GEMIN5: variants seen among roughly 807,000 people sequenced by gnomAD.
GEMIN5 encodes the protein gem nuclear organelle associated protein 5.
GEMIN5 carries 124 observed loss-of-function variants against 176.9 expected under a neutral mutation model. The observed-to-expected ratio is 0.70, with a 90% CI of 0.61 to 0.81. GEMIN5 has a LOEUF of 0.81. Ranked by LOEUF, GEMIN5 falls within the 40% of genes least tolerant of loss-of-function variation. The pLI, the probability that GEMIN5 is intolerant of heterozygous loss-of-function variation, is 0.00. For missense variants in GEMIN5, 1,843 were observed against 1,814.6 expected, an observed-to-expected ratio of 1.02 and a Z score of -0.28; for synonymous variants, 673 against 665.2, an observed-to-expected ratio of 1.01 and a Z score of -0.18.
chr5:154,936,930 C>A (rs1764281880), intron 2 of GEMIN5, 95 bp downstream of exon 2: 5 of 917,336 alleles, frequency 5.5e-6, no homozygotes, highest in Non-Finnish European at 6.7e-6. Flanking sequence ...TTACAAGTTA[C>A]TTTGCACAGA....
intron 24 of GEMIN5, among the ~76,000 whole-genome samples, chr5:154,893,660 T>A (rs1763286265): frequency 1.3e-5 from 2 of 152,234 alleles, no homozygotes; most frequent in South Asian, 4.1e-4. Flanking sequence ...AATTTTTTCT[T>A]TTCTAGAATT....
chr5:154,924,420 C>A (rs772831933), intron 9 of GEMIN5, 49 bp downstream of exon 9: 2 of 1,216,660 alleles, frequency 1.6e-6, no homozygotes, highest in Admixed American at 1.8e-5. Context: ...GGGTGGCCAA[C>A]CTTTTGGCTC....
intron 23 of GEMIN5, 71 bp from the exon 24 acceptor site, chr5:154,896,414 G>C: frequency 2.8e-6 from 4 of 1,434,008 alleles, no homozygotes; most frequent in Non-Finnish European, 1.9e-6. Flanking sequence ...GAGCTCTCCC[G>C]TGTCCTTCAA....
In GEMIN5 at chr5:154,896,143, C is replaced by T; in HGVS notation, c.3546G>A (p.Lys1182=). ...CAGATGGGTACTTGATGTTCTGCAG[C>T]TTCTGAAAGGCTTCCTGATACTGCT... ...TPEQYQEAFQ[K]LQNIKYPSAT... is the part of the protein sequence containing the mutation. The change falls in exon 24 of 28, where the codon AAG becomes AAA. Residue 1182 remains lysine (K), a synonymous_variant. Coordinates refer to ENST00000285873, the MANE Select transcript of GEMIN5 (RefSeq NM_015465.5). 6.2e-7 allele frequency: 1 copy of T among 1,613,890 alleles called. No individual in the cohort carries two copies. Among genetic ancestry groups the T allele is most frequent in the Non-Finnish European group, 8.5e-7 (1 of 1,179,918 alleles).
chr5:154,896,414 G>T, intron 23 of GEMIN5, 71 bp from the exon 24 acceptor site: 1 of 1,434,002 alleles, frequency 7.0e-7, no homozygotes, highest in Non-Finnish European at 9.3e-7. Flanking sequence ...GAGCTCTCCC[G>T]TGTCCTTCAA....
intron 11 of GEMIN5, among the ~76,000 whole-genome samples, chr5:154,918,986 A>G (rs1322336451): frequency 1.3e-5 from 2 of 152,188 alleles, no homozygotes; most frequent in African/African-American, 4.8e-5. Context: ...GGCTGCAGTG[A>G]GCTGAGATCG....
intron 24 of GEMIN5, among the ~76,000 whole-genome samples, chr5:154,892,917 T>A (rs1203847096): frequency 6.6e-6 from 1 of 151,700 alleles, no homozygotes; most frequent in East Asian, 1.9e-4. Flanking sequence ...GCCAACATGG[T>A]GAAACCCCGC....
At chr5:154,925,002 A>G (rs1347446080) in intron 8 of GEMIN5, among the ~76,000 whole-genome samples, 1 of 152,106 alleles carries the variant, frequency 6.6e-6, no homozygotes. Context: ...AAACAAAACA[A>G]AACAAAACAA....
In GEMIN5 at chr5:154,888,145, T is replaced by A; in HGVS notation, c.*65A>T. 6.9e-7 allele frequency: 1 copy of A among 1,447,854 alleles called. No individual in the cohort carries two copies. The allele number at this position is 1,447,854 out of a possible 1,614,324, so 89.7% of individuals were successfully genotyped here. ...ACCAGAGTGAATGTCTGGTGAGGCA[T>A]AACTGCAGAGGTGAAAGATGTCAAA... On this transcript the variant is annotated 3_prime_UTR_variant, in exon 28 of 28. Coordinates refer to ENST00000285873, the MANE Select transcript of GEMIN5 (RefSeq NM_015465.5).
chr5:154,911,794 T>A lies in GEMIN5; in HGVS notation c.2100A>T (p.Ser700=). 1 of 1,613,864 alleles carries A rather than the reference T, an allele frequency of 6.2e-7. No homozygotes were observed. Among genetic ancestry groups the A allele is most frequent in the Non-Finnish European group, 8.5e-7 (1 of 1,179,748 alleles). ...TGTGCACACAAAAGTCATCTGCCCC[T>A]GAATAGATGCAGTCTGGATCCAAAG... is the stretch of plus-strand genomic sequence containing the variant. ...WSPLDPDCIY[S]GADDFCVHKW... is the part of the protein sequence containing the mutation. Residue 700 remains serine, a synonymous_variant, in exon 15 of 28, where the codon TCA becomes TCT. Transcript: ENST00000285873.
At chr5:154,921,223 T>C (rs1582669267) in intron 10 of GEMIN5, 120 bp downstream of exon 10, 5 of 642,488 alleles carry the variant, frequency 7.8e-6, no homozygotes, top group Non-Finnish European at 1.4e-5. Flanking sequence ...GGGACATAAG[T>C]AGCCCACATA....
At chr5:154,893,255 T>TA (rs70981957) in intron 24 of GEMIN5, among the ~76,000 whole-genome samples, 66,998 of 85,584 alleles carry the variant, frequency 0.78, 26,643 homozygotes, top group Middle Eastern at 0.85. Context: ...AGCCCGTCTC[T>TA]AAAAAAAAAA....
chr5:154,913,051 G>A lies in GEMIN5; in HGVS notation c.1856-13C>T. 5 of 1,595,280 alleles carry A rather than the reference G, an allele frequency of 3.1e-6. No homozygotes were observed. Among genetic ancestry groups the A allele is most frequent in the Non-Finnish European group, 4.3e-6 (5 of 1,170,464 alleles). On this transcript the variant is annotated splice_polypyrimidine_tract_variant and intron_variant, in intron 13 of 27. Transcript: ENST00000285873. ...TCAGGGCTGCTCTCTAAAAGGCAAA[G>A]GAAAGACATCACTGCTGCTACTACT...
In GEMIN5 at chr5:154,896,271, T is replaced by C. The variant is rs1182048923; in HGVS notation, c.3418A>G (p.Lys1140Glu). 3 of 1,612,884 alleles carry C rather than the reference T, an allele frequency of 1.9e-6. No individual in the cohort carries two copies. The highest frequency in any genetic ancestry group is 2.7e-5 in the African/African-American group (2 of 74,842). Residue 1140 changes from lysine to glutamate, a missense_variant, in exon 24 of 28, where the codon AAA (lysine) becomes GAA (glutamate). By Grantham distance (56) the Lys-to-Glu change is moderately conservative. Transcript: ENST00000285873. Reference protein sequence around the residue: ...HLEEKQLSEGKSSSSYHTWNT... With the variant: ...HLEEKQLSEGESSSSYHTWNT... Reference sequence around the variant, plus strand: ...CAAGTGTGGTAAGAGGAGGAGCTTTTGCCCTCTGAAAGCTGCTTTTCCTCC... The same window carrying C: ...CAAGTGTGGTAAGAGGAGGAGCTTTCGCCCTCTGAAAGCTGCTTTTCCTCC...
chr5:154,931,454 T>C lies in GEMIN5; in HGVS notation c.781+4A>G, dbSNP rs1764160452. 6.2e-7 allele frequency: 1 copy of C among 1,603,152 alleles called. No individual in the cohort carries two copies. Among genetic ancestry groups the C allele is most frequent in the Non-Finnish European group, 8.5e-7 (1 of 1,172,814 alleles). ...TTACATCACAAAAGAAAGATCAATCTTACCTCGGCCTCTAGAACAGCTCCA... is the reference window on the plus strand; with the variant it reads ...TTACATCACAAAAGAAAGATCAATCCTACCTCGGCCTCTAGAACAGCTCCA... On this transcript the variant is annotated splice_donor_region_variant and intron_variant, in intron 5 of 27. Coordinates refer to ENST00000285873, the MANE Select transcript of GEMIN5 (RefSeq NM_015465.5).
Position 154,932,237 on chromosome 5 carries a change from T to C in GEMIN5, c.523A>G (p.Ile175Val). 6.2e-7 allele frequency: 1 copy of C among 1,606,710 alleles called. No individual in the cohort carries two copies. The highest frequency in any genetic ancestry group is 1.1e-5 in the South Asian group (1 of 90,378). The change falls in exon 4 of 28, where the codon ATA (isoleucine) becomes GTA (valine). Residue 175 changes from isoleucine (I) to valine (V), a missense_variant. Physicochemically the swap from Ile to Val is conservative, Grantham distance 29. Coordinates refer to ENST00000285873, the MANE Select transcript of GEMIN5 (RefSeq NM_015465.5). ...TTACTGATGTCAATTATCACCACTA[T>C]GCCATCCTTGTAGCTAAAAAACAAG... ...DLVAIGYKDG[I>V]VVIIDISKKG...
chr5:154,910,721 C>T (rs769933514), intron 15 of GEMIN5, among the ~76,000 whole-genome samples: 9 of 152,176 alleles, frequency 5.9e-5, no homozygotes, highest in Non-Finnish European at 1.0e-4. Context: ...TGTTTTGAGA[C>T]GGAGTCTCGC....
chr5:154,931,060 A>G (rs908244379), intron 5 of GEMIN5, among the ~76,000 whole-genome samples: 12 of 152,252 alleles, frequency 7.9e-5, no homozygotes, highest in African/African-American at 2.9e-4. Context: ...GCTTTTACAC[A>G]TAATTCTATG....
intron 13 of GEMIN5, among the ~76,000 whole-genome samples, chr5:154,916,528 C>G (rs903697991): frequency 4.6e-5 from 7 of 151,778 alleles, no homozygotes; most frequent in African/African-American, 1.7e-4. Context: ...TGCTCTGTAA[C>G]CCAGGCTAGG....
Sources: gnomAD v4.1 joint callset for allele counts (sites outside exome capture counted in the v4.1 genomes callset) on GRCh38, gnomAD v4.1.1 for gene constraint, MANE v1.5 for transcripts, NCBI Gene and HGNC (gene_info 2026-07-23, HGNC 2026-07-21) for gene names.